Variants in LHPP observed in about 807,000 individuals in gnomAD.
The protein encoded by LHPP is phospholysine phosphohistidine inorganic pyrophosphate phosphatase.
In LHPP, 24 loss-of-function variants were observed where a neutral mutation model predicts 30.3. The observed-to-expected ratio is 0.79, with a 90% CI of 0.57 to 1.11. The LOEUF (loss-of-function observed/expected upper bound fraction) is 1.11. LHPP is among the 50% of genes most tolerant of loss of function. LHPP has a pLI of 0.00. For missense variants in LHPP, 356 were observed against 367.2 expected, an observed-to-expected ratio of 0.97 and a Z score of 0.25; for synonymous variants, 150 against 157.1, an observed-to-expected ratio of 0.95 and a Z score of 0.34.
At chr10:124,551,125 C>T (rs1948156701) in intron 6 of LHPP, among the ~76,000 whole-genome samples, 1 of 152,222 alleles carries the variant, frequency 6.6e-6, no homozygotes, top group African/African-American at 2.4e-5. Context: ...AGCATTAGCA[C>T]CAGTGTCTCC....
At chr10:124,589,193 G>A (rs1439218956) in intron 6 of LHPP, among the ~76,000 whole-genome samples, 1 of 152,250 alleles carries the variant, frequency 6.6e-6, no homozygotes, top group African/African-American at 2.4e-5. Context: ...GAAATGTCAG[G>A]AGCCTTTTCC....
chr10:124,569,848 T>C (rs1489580729), intron 6 of LHPP, among the ~76,000 whole-genome samples: 1 of 152,136 alleles, frequency 6.6e-6, no homozygotes, highest in Non-Finnish European at 1.5e-5. Flanking sequence ...GGAAAGGACA[T>C]CAAGTGTACA....
intron 6 of LHPP, among the ~76,000 whole-genome samples, chr10:124,521,737 G>C (rs1954617780): frequency 6.6e-6 from 1 of 152,218 alleles, no homozygotes; most frequent in African/African-American, 2.4e-5. Context: ...GGTCAGTCCT[G>C]CCAGTCACTG....
intron 6 of LHPP, among the ~76,000 whole-genome samples, chr10:124,611,885 G>C (rs1788285290): frequency 6.6e-6 from 1 of 152,232 alleles, no homozygotes; most frequent in Admixed American, 6.5e-5. Context: ...CCGGGAGACT[G>C]TGGTTTCCCT....
intron 1 of LHPP, among the ~76,000 whole-genome samples, chr10:124,467,431 C>T (rs953384713): frequency 1.3e-4 from 19 of 151,628 alleles, no homozygotes; most frequent in Non-Finnish European, 2.9e-5. Context: ...CATGATGGCT[C>T]ATGATGTATG....
At chr10:124,528,186 C>T (rs1954793784) in intron 6 of LHPP, among the ~76,000 whole-genome samples, 1 of 152,106 alleles carries the variant, frequency 6.6e-6, no homozygotes, top group Non-Finnish European at 1.5e-5. Flanking sequence ...GTGGTGGCTC[C>T]CGTATGGCAT....
rs1323984757 is a variant in LHPP, at chr10:124,478,128, G to A, written c.126-6011G>A. ...TGCCCTCCCAAGCCCCGGGCTTGCA[G>A]AGGAGGCAGGAGGAGGGAGGTGGTG... On this transcript the variant is annotated intron_variant, in intron 1 of 6. Transcript: ENST00000368842. This position sits in a 1 kb window ranked among gnomAD's most constrained non-coding sequence, Gnocchi z 4.7. Among the ~76,000 whole-genome samples, 1 of 152,208 alleles carries A rather than the reference G, an allele frequency of 6.6e-6. No homozygotes were observed. Among genetic ancestry groups the A allele is most frequent in the Non-Finnish European group, 1.5e-5 (1 of 68,038 alleles).
At chr10:124,610,342 A>AGCGGGT (rs1949157244) in intron 6 of LHPP, among the ~76,000 whole-genome samples, 1 of 131,294 alleles carries the variant, frequency 7.6e-6, no homozygotes, top group Non-Finnish European at 1.6e-5. Context: ...GTGCTGATGG[A>AGCGGGT]GCGGGTGAGG....
At chr10:124,585,473 G>A (rs1948792324) in intron 6 of LHPP, among the ~76,000 whole-genome samples, 1 of 151,578 alleles carries the variant, frequency 6.6e-6, no homozygotes, top group South Asian at 2.1e-4. Flanking sequence ...AAATTAGCCA[G>A]GCATGGTGGC....
chr10:124,588,532 C>T (rs1948833773), intron 6 of LHPP, among the ~76,000 whole-genome samples: 1 of 152,300 alleles, frequency 6.6e-6, no homozygotes, highest in East Asian at 1.9e-4. Flanking sequence ...GATCCGCCCG[C>T]CCAAAGTGCT....
intron 1 of LHPP, among the ~76,000 whole-genome samples, chr10:124,475,121 C>G (rs1377376622): frequency 2.1e-5 from 3 of 146,162 alleles, no homozygotes; most frequent in African/African-American, 7.5e-5. Flanking sequence ...CACCCAGGTT[C>G]TAGTGATTCT....
chr10:124,507,898 G>GGGGTAGACAGGATTTCAGGTGGGA (rs1564798630), intron 5 of LHPP, among the ~76,000 whole-genome samples: 1 of 109,058 alleles, frequency 9.2e-6, no homozygotes, highest in Non-Finnish European at 1.9e-5. Flanking sequence ...TCAGGTCGGG[G>GGGGTAGACAGGATTTCAGGTGGGA]GGGTAGACAG....
chr10:124,498,218 C>T, intron 5 of LHPP, 90 bp downstream of exon 5: 1 of 1,495,136 alleles, frequency 6.7e-7, no homozygotes, highest in South Asian at 1.1e-5. Flanking sequence ...CTCAGGCAGC[C>T]TGTGGGGTTG....
intron 6 of LHPP, among the ~76,000 whole-genome samples, chr10:124,585,624 A>AG (rs1191464177): frequency 2.6e-5 from 4 of 151,938 alleles, no homozygotes; most frequent in African/African-American, 9.7e-5. Flanking sequence ...CTAAAAAAAA[A>AG]AAAGAAAAAG....
chr10:124,509,793 T>G (rs1954254690), intron 5 of LHPP, among the ~76,000 whole-genome samples: 1 of 152,030 alleles, frequency 6.6e-6, no homozygotes, highest in African/African-American at 2.4e-5. Flanking sequence ...CTGAGCTCAC[T>G]CCACCTTCAC....
rs1463543888 is a variant in LHPP, at chr10:124,590,923, G to C, written c.717-22341G>C. Among the ~76,000 whole-genome samples, 1 of 152,220 alleles carries C rather than the reference G, an allele frequency of 6.6e-6. No individual in the cohort carries two copies. The highest frequency in any genetic ancestry group is 1.5e-5 in the Non-Finnish European group (1 of 68,046). ...ACACTGCAACAGGCCTCCTTTCCAG[G>C]AAACAGGATCCCTGTCTCAGACAGA... is the stretch of plus-strand genomic sequence containing the variant. On this transcript the variant is annotated intron_variant, in intron 6 of 6. Coordinates refer to ENST00000368842, the MANE Select transcript of LHPP (RefSeq NM_022126.4). The surrounding 1 kb of genome is among the most constrained non-coding windows in gnomAD (Gnocchi z 4.3).
chr10:124,562,549 A>G (rs1054074627), intron 6 of LHPP, among the ~76,000 whole-genome samples: 1 of 152,184 alleles, frequency 6.6e-6, no homozygotes, highest in Non-Finnish European at 1.5e-5. Context: ...TGATATCCAA[A>G]TAGCAAATAA....
intron 1 of LHPP, among the ~76,000 whole-genome samples, chr10:124,472,825 T>C (rs1952825788): frequency 6.6e-6 from 1 of 152,180 alleles, no homozygotes; most frequent in South Asian, 2.1e-4. Context: ...CCCAAAGTGC[T>C]GGGATTACAG....
At chr10:124,506,271 CCCA>C (rs1365561482) in intron 5 of LHPP, among the ~76,000 whole-genome samples, 66 of 127,828 alleles carry the variant, frequency 5.2e-4, no homozygotes, top group African/African-American at 1.9e-3. Flanking sequence ...AAACCCCCCC[CCCA>C]CCCCGCGGTT....
Sources: gnomAD v4.1 joint callset for allele counts (sites outside exome capture counted in the v4.1 genomes callset) on GRCh38, gnomAD v4.1.1 for gene constraint, Gnocchi (gnomAD v3.1) non-coding constraint, MANE v1.5 for transcripts, NCBI Gene and HGNC (gene_info 2026-07-23, HGNC 2026-07-21) for gene names.